The following ZCWPW2 variants were observed in gnomAD, a reference collection of about 807,000 sequenced individuals.
The protein encoded by ZCWPW2 is zinc finger CW-type and PWWP domain containing 2, also known as zinc finger CW-type PWWP domain protein 2.
ZCWPW2 carries 45 observed loss-of-function variants against 46.6 expected under a neutral mutation model. The ratio of observed to expected loss-of-function variants is 0.96; its 90% CI spans 0.76 to 1.24. The LOEUF (loss-of-function observed/expected upper bound fraction) is 1.24. ZCWPW2 is among the 50% of genes most tolerant of loss of function. The probability of loss-of-function intolerance (pLI) is 0.00; values close to 1 mark genes in which losing one functional copy is unlikely to be tolerated. For missense variants in ZCWPW2, 429 were observed against 403.9 expected, an observed-to-expected ratio of 1.06 and a Z score of -0.53; for synonymous variants, 152 against 137.1, an observed-to-expected ratio of 1.11 and a Z score of -0.76.
intron 4 of ZCWPW2, among the ~76,000 whole-genome samples, chr3:28,469,714 A>G (rs930976144): frequency 1.3e-5 from 2 of 151,352 alleles, no homozygotes; most frequent in African/African-American, 4.8e-5. Context: ...ATATGTGTGT[A>G]TATATATATG....
At chr3:28,491,005 A>G (rs73823976) in intron 5 of ZCWPW2, among the ~76,000 whole-genome samples, 1 of 152,258 alleles carries the variant, frequency 6.6e-6, no homozygotes, top group African/African-American at 2.4e-5. Context: ...TACTGCATAT[A>G]AAATGTGGTC....
rs572686129 is a variant in ZCWPW2 at position 28,435,437 on chromosome 3, T to C, written c.492+168T>C. 5.3e-5 allele frequency among the ~76,000 whole-genome samples: 8 copies of C among 152,142 alleles called. No individual in the cohort carries two copies. The East Asian group carries it at 1.3e-3, about 26-fold the overall frequency. On this transcript the variant is annotated intron_variant, in intron 4 of 9. Transcript: ENST00000383768. ...TTTAGTGTTTTTCTCAAAGAAAGTA[T>C]GGATATAAAATAGTTGTGAGAGTTT...
At chr3:28,394,586 A>C (rs188320594) in intron 2 of ZCWPW2, among the ~76,000 whole-genome samples, 115 of 152,224 alleles carry the variant, frequency 7.6e-4, no homozygotes, top group African/African-American at 2.5e-3. Flanking sequence ...CAAGAGGAAG[A>C]GACCAGAAAT....
At chr3:28,449,975 G>C (rs557113381) in intron 4 of ZCWPW2, among the ~76,000 whole-genome samples, 1 of 152,314 alleles carries the variant, frequency 6.6e-6, no homozygotes, top group South Asian at 2.1e-4. Flanking sequence ...AAGTCTTGCT[G>C]TGCATTAGGA....
At chr3:28,447,194 A>G (rs1698027686) in intron 4 of ZCWPW2, among the ~76,000 whole-genome samples, 2 of 152,116 alleles carry the variant, frequency 1.3e-5, no homozygotes, top group African/African-American at 4.8e-5. Flanking sequence ...GACACATAAA[A>G]ACACTGCAAA....
intron 1 of ZCWPW2, among the ~76,000 whole-genome samples, chr3:28,370,871 T>C (rs1705309216): frequency 2.0e-5 from 3 of 152,160 alleles, no homozygotes; most frequent in African/African-American, 7.2e-5. Flanking sequence ...TAGCTGGGAT[T>C]ACAGGCATGC....
chr3:28,358,785 C>G (rs749758793), intron 1 of ZCWPW2, among the ~76,000 whole-genome samples: 44 of 152,148 alleles, frequency 2.9e-4, no homozygotes, highest in Non-Finnish European at 4.6e-4. Flanking sequence ...GATTAGATTG[C>G]TATCTGAATA....
At chr3:28,380,643 A>G (rs1228758120) in intron 1 of ZCWPW2, among the ~76,000 whole-genome samples, 1 of 151,958 alleles carries the variant, frequency 6.6e-6, no homozygotes, top group African/African-American at 2.4e-5. Flanking sequence ...TCAACCATTT[A>G]GTTTTTCTGG....
intron 2 of ZCWPW2, among the ~76,000 whole-genome samples, chr3:28,406,723 C>CT (rs1429428763): frequency 1.3e-5 from 2 of 152,050 alleles, no homozygotes; most frequent in African/African-American, 4.8e-5. Flanking sequence ...CCCTCGCCTG[C>CT]TATGACCTTT....
At chr3:28,472,127 A>G (rs1699060400) in intron 4 of ZCWPW2, among the ~76,000 whole-genome samples, 1 of 152,184 alleles carries the variant, frequency 6.6e-6, no homozygotes, top group Non-Finnish European at 1.5e-5. Flanking sequence ...AAGAATCAAT[A>G]TTGTTAAAAT....
chr3:28,386,069 A>C (rs1344545951), intron 1 of ZCWPW2, among the ~76,000 whole-genome samples: 1 of 152,042 alleles, frequency 6.6e-6, no homozygotes, highest in Non-Finnish European at 1.5e-5. Flanking sequence ...TGATTGTTAT[A>C]AACTGAATGT....
At chr3:28,394,487 C>A (rs887562458) in intron 2 of ZCWPW2, among the ~76,000 whole-genome samples, 1 of 151,902 alleles carries the variant, frequency 6.6e-6, no homozygotes, top group African/African-American at 2.4e-5. Context: ...TCAAGAAGAA[C>A]AAAGCATCAC....
chr3:28,388,330 C>T (rs1467046095), intron 1 of ZCWPW2, among the ~76,000 whole-genome samples: 4 of 152,090 alleles, frequency 2.6e-5, no homozygotes, highest in Admixed American at 1.3e-4. Context: ...ACAAGTCCCC[C>T]CCTTGTCAAC....
intron 2 of ZCWPW2, among the ~76,000 whole-genome samples, chr3:28,410,196 T>C (rs1228213869): frequency 6.6e-6 from 1 of 152,092 alleles, no homozygotes; most frequent in East Asian, 1.9e-4. Context: ...CATGTATATA[T>C]TTAATAAGCA....
chr3:28,348,943 C>G lies in ZCWPW2; in HGVS notation c.-394C>G, dbSNP rs146077617. 17 of 985,470 alleles carry G rather than the reference C, an allele frequency of 1.7e-5. No homozygotes were observed. In the African/African-American group the frequency reaches 2.8e-4, roughly 16 times the overall value. 61.0% of individuals were successfully genotyped at this position (985,470 alleles called of 1,614,324 possible). A position where few individuals can be genotyped will look rare whatever the true frequency, so the allele number is the denominator to read the frequency against. The stretch of plus-strand genomic sequence containing the variant: ...GCACGGGCCGGAGGGAGGGGAAGCA[C>G]TCCGGAAAGTGATTGGAAGTGTGGA... On this transcript the variant is annotated 5_prime_UTR_variant, in exon 1 of 10. Transcript: ENST00000383768.
At chr3:28,471,082 A>G (rs977025818) in intron 4 of ZCWPW2, among the ~76,000 whole-genome samples, 11 of 152,316 alleles carry the variant, frequency 7.2e-5, no homozygotes, top group African/African-American at 1.7e-4. Flanking sequence ...GAGCAGACCA[A>G]TAACAAGTAA....
chr3:28,517,442 A>T (rs1173882691), intron 8 of ZCWPW2, among the ~76,000 whole-genome samples: 1 of 152,206 alleles, frequency 6.6e-6, no homozygotes, highest in Admixed American at 6.5e-5. Context: ...TCATATGGCA[A>T]AAGCAGGAAC....
intron 1 of ZCWPW2, among the ~76,000 whole-genome samples, chr3:28,387,238 C>T (rs1044869334): frequency 7.2e-5 from 11 of 152,148 alleles, no homozygotes; most frequent in African/African-American, 2.2e-4. Flanking sequence ...TCTTTGTAGG[C>T]GTTTTCTTCT....
At chr3:28,457,416 T>G (rs1289015295) in intron 4 of ZCWPW2, among the ~76,000 whole-genome samples, 1 of 152,168 alleles carries the variant, frequency 6.6e-6, no homozygotes, top group Non-Finnish European at 1.5e-5. Flanking sequence ...AGCATCCAAG[T>G]ATACTAACAT....
Sources: gnomAD v4.1 joint callset for allele counts (sites outside exome capture counted in the v4.1 genomes callset) on GRCh38, gnomAD v4.1.1 for gene constraint, MANE v1.5 for transcripts, NCBI Gene and HGNC (gene_info 2026-07-23, HGNC 2026-07-21) for gene names.